The following CYFIP2 variants were observed in gnomAD, a reference collection of about 807,000 sequenced individuals.
CYFIP2 encodes cytoplasmic FMR1-interacting protein 2.
Under a neutral mutation model 158.7 loss-of-function variants are expected in CYFIP2, and 29 were observed. The observed-to-expected ratio is 0.18, with a 90% confidence interval of 0.14 to 0.25. CYFIP2 has a LOEUF of 0.25. CYFIP2 is among the 10% of genes least tolerant of loss of function. The pLI, the probability that CYFIP2 is intolerant of heterozygous loss-of-function variation, is 1.00. For missense variants in CYFIP2, 852 were observed against 1,639.5 expected, an observed-to-expected ratio of 0.52 and a Z score of 8.29; for synonymous variants, 585 against 617.6, an observed-to-expected ratio of 0.95 and a Z score of 0.78.
At chr5:157,369,454 G>A (rs891764838) in intron 26 of CYFIP2, among the ~76,000 whole-genome samples, 1 of 152,148 alleles carries the variant, frequency 6.6e-6, no homozygotes, top group Non-Finnish European at 1.5e-5. Context: ...CCTAACACAA[G>A]GCTCATTAAC....
intron 1 of CYFIP2, among the ~76,000 whole-genome samples, chr5:157,277,462 C>G (rs943944560): frequency 3.9e-5 from 6 of 152,190 alleles, no homozygotes; most frequent in Admixed American, 2.0e-4. Flanking sequence ...AGGTCGTCTC[C>G]TCTCTCCTAT....
At chr5:157,319,642 G>A in intron 13 of CYFIP2, 120 bp from the exon 14 acceptor site, 3 of 1,250,704 alleles carry the variant, frequency 2.4e-6, no homozygotes, top group Non-Finnish European at 3.3e-6. Flanking sequence ...ACTTTGAGTA[G>A]CACTGGCCTC....
intron 18 of CYFIP2, 69 bp from the exon 19 acceptor site, chr5:157,327,904 T>C: frequency 6.8e-7 from 1 of 1,477,574 alleles, no homozygotes; most frequent in South Asian, 1.2e-5. Context: ...CTGCTGTCTT[T>C]CAGTTGGCTC....
rs771213128 is a variant in CYFIP2, at chr5:157,361,622, TG to T, written c.3039+28del. The T allele has an allele frequency of 6.2e-7, 1 of 1,613,592 alleles. No individual in the cohort carries two copies. Among genetic ancestry groups the T allele is most frequent in the Non-Finnish European group, 8.5e-7 (1 of 1,179,688 alleles). ...TGGTAAGTCCAGAGCCCAAAGGAAG[TG>T]GGGTGTCTCCAGGTTGGAGGGGATG... On this transcript the variant is annotated intron_variant, in intron 26 of 30. Transcript: ENST00000620254. This position sits in a 1 kb window ranked among gnomAD's most constrained non-coding sequence, Gnocchi z 4.4.
At chr5:157,323,838 T>A (rs971031352) in intron 15 of CYFIP2, 83 bp from the exon 16 acceptor site, 18 of 1,273,704 alleles carry the variant, frequency 1.4e-5, no homozygotes, top group Middle Eastern at 2.0e-4. Context: ...AAAAAAAAAA[T>A]ACATAAATAC....
At chr5:157,381,520 T>G (rs1373401966) in intron 26 of CYFIP2, among the ~76,000 whole-genome samples, 1 of 102,346 alleles carries the variant, frequency 9.8e-6, no homozygotes, top group East Asian at 3.6e-4. Context: ...AGAATGGGAC[T>G]CCGTTTCACA....
intron 26 of CYFIP2, among the ~76,000 whole-genome samples, chr5:157,373,231 C>T (rs1765156805): frequency 6.6e-6 from 1 of 152,188 alleles, no homozygotes; most frequent in Non-Finnish European, 1.5e-5. Context: ...ACATGGCATA[C>T]TTTGGGGGTC....
At chr5:157,277,037 T>G (rs1485655300) in intron 1 of CYFIP2, 1 of 138,900 alleles carries the variant, frequency 7.2e-6, no homozygotes, top group Non-Finnish European at 1.7e-5. Flanking sequence ...TTTTCTCTTT[T>G]TCTTTTTTTT....
rs1161820187 is a variant in CYFIP2 at position 157,266,378 on chromosome 5, G to GACCC, written c.-24+187_-24+190dup. 6.6e-6 allele frequency: 1 copy of GACCC among 151,694 alleles called. No individual in the cohort carries two copies. The highest frequency in any genetic ancestry group is 1.5e-5 in the Non-Finnish European group (1 of 67,902). The allele number at this position is 151,694 out of a possible 1,614,324, so 9.4% of individuals were successfully genotyped here. On this transcript the variant is annotated intron_variant, in intron 1 of 30. Transcript: ENST00000620254. This position sits in a 1 kb window ranked among gnomAD's most constrained non-coding sequence, Gnocchi z 4.2. ...CCCCACGCGGCCCCTTTCCCCCTCG[G>GACCC]ACCCACCGTGCGTCCCGCGGCACGG...
intron 1 of CYFIP2, among the ~76,000 whole-genome samples, chr5:157,282,388 G>A (rs1757055880): frequency 6.6e-6 from 1 of 152,156 alleles, no homozygotes; most frequent in Non-Finnish European, 1.5e-5. Flanking sequence ...GATGGCCCAA[G>A]CCATTCATGA....
Position 157,307,655 on chromosome 5 carries a change from G to GTGTGTGTGTGTA in CYFIP2, c.796-105_796-104insGTGTGTGTGTAT, listed in dbSNP as rs775613889. 2,232 of 613,596 alleles carry GTGTGTGTGTGTA rather than the reference G, an allele frequency of 3.6e-3. 5 individuals are homozygous for GTGTGTGTGTGTA. Among genetic ancestry groups the GTGTGTGTGTGTA allele is most frequent in the Middle Eastern group, 0.018 (59 of 3,252 alleles). The allele number at this position is 613,596 out of a possible 1,614,324, so 38.0% of individuals were successfully genotyped here. Reference sequence around the variant, plus strand: ...CTACAGGGTGTGTGTGTGTGTGTGTGTATGTGTGTGTGTGTGTGTGACACA... The same window carrying GTGTGTGTGTGTA: ...CTACAGGGTGTGTGTGTGTGTGTGTGTGTGTGTGTGTATATGTGTGTGTGTGTGTGTGACACA... On this transcript the variant is annotated intron_variant, in intron 8 of 30. Transcript: ENST00000620254.
chr5:157,290,897 C>T (rs765237131), intron 3 of CYFIP2, among the ~76,000 whole-genome samples: 9 of 152,194 alleles, frequency 5.9e-5, no homozygotes, highest in Non-Finnish European at 1.5e-5. Context: ...AGGGGAAGTA[C>T]GTAAACCACA....
In CYFIP2 at chr5:157,361,990, C is replaced by T. The variant is rs935587211; in HGVS notation, c.3039+392C>T. ...GCTTGCAAACAAGGGTTTTTAAAGG[C>T]AGGGGTAAATTTCAGGAAAGCAGAA... On this transcript the variant is annotated intron_variant, in intron 26 of 30. Transcript: ENST00000620254. This position sits in a 1 kb window ranked among gnomAD's most constrained non-coding sequence, Gnocchi z 4.4. Among the ~76,000 whole-genome samples the T allele has an allele frequency of 1.3e-5, 2 of 152,180 alleles. No homozygotes were observed. The highest frequency in any genetic ancestry group is 4.8e-5 in the African/African-American group (2 of 41,438).
At chr5:157,386,740 T>C (rs1766731041) in intron 28 of CYFIP2, among the ~76,000 whole-genome samples, 1 of 152,056 alleles carries the variant, frequency 6.6e-6, no homozygotes, top group South Asian at 2.1e-4. Context: ...GCCAACGTGG[T>C]GAAACCCCAT....
intron 26 of CYFIP2, chr5:157,365,067 G>T (rs1420010277): frequency 6.6e-6 from 1 of 151,062 alleles, no homozygotes; most frequent in African/African-American, 2.4e-5. Flanking sequence ...CATTGAAAAA[G>T]ATCTAGAAAA....
rs528370933 is a variant in CYFIP2 at position 157,387,980 on chromosome 5, T to C, written c.3208-1209T>C. Among the ~76,000 whole-genome samples the C allele has an allele frequency of 5.3e-5, 8 of 152,284 alleles. No homozygotes were observed. The South Asian group carries it at 1.7e-3, about 32-fold the overall frequency. Reference sequence around the variant, plus strand: ...ATGGATTCACTTAAAAGTCACCCTCTCTTCCTGGGGGCCTCCAGGGAGTGA... The same window carrying C: ...ATGGATTCACTTAAAAGTCACCCTCCCTTCCTGGGGGCCTCCAGGGAGTGA... On this transcript the variant is annotated intron_variant, in intron 28 of 30. Coordinates refer to ENST00000620254, the MANE Select transcript of CYFIP2 (RefSeq NM_001037333.3).
intron 23 of CYFIP2, among the ~76,000 whole-genome samples, chr5:157,354,497 C>A (rs529632570): frequency 1.3e-5 from 2 of 151,538 alleles, no homozygotes; most frequent in Non-Finnish European, 2.9e-5. Context: ...GGGTGCCCTT[C>A]GGGGATGAGT....
At chr5:157,335,493 G>C (rs1050846484) in intron 21 of CYFIP2, among the ~76,000 whole-genome samples, 32 of 152,188 alleles carry the variant, frequency 2.1e-4, no homozygotes, top group African/African-American at 7.5e-4. Flanking sequence ...GGCCAGGCTG[G>C]TCTCAAGCTC....
chr5:157,314,666 T>A (rs895308), intron 12 of CYFIP2, among the ~76,000 whole-genome samples: 48,673 of 152,092 alleles, frequency 0.32, 8,582 homozygotes, highest in African/African-American at 0.47. Context: ...GAACATTTTC[T>A]TGACTTCAAA....
Sources: gnomAD v4.1 joint callset for allele counts (sites outside exome capture counted in the v4.1 genomes callset) on GRCh38, gnomAD v4.1.1 for gene constraint, Gnocchi (gnomAD v3.1) non-coding constraint, MANE v1.5 for transcripts, NCBI Gene and HGNC (gene_info 2026-07-23, HGNC 2026-07-21) for gene names.